CNTN5: variants seen among roughly 807,000 people sequenced by gnomAD.
The protein encoded by CNTN5 is contactin 5.
CNTN5 carries 77 observed loss-of-function variants against 129.1 expected under a neutral mutation model. The ratio of observed to expected loss-of-function variants is 0.60; its 90% CI spans 0.50 to 0.72. CNTN5 has a LOEUF of 0.72. Ranked by LOEUF, CNTN5 falls within the 30% of genes least tolerant of loss-of-function variation. The probability of loss-of-function intolerance (pLI) is 0.00; values close to 1 mark genes in which losing one functional copy is unlikely to be tolerated. For synonymous variants in CNTN5, 509 were observed against 465.6 expected, an observed-to-expected ratio of 1.09 and a Z score of -1.20; for missense variants, 1,478 against 1,328.8, an observed-to-expected ratio of 1.11 and a Z score of -1.75.
At chr11:99,628,459 A>G (rs1054562123) in intron 3 of CNTN5, among the ~76,000 whole-genome samples, 5 of 151,956 alleles carry the variant, frequency 3.3e-5, no homozygotes, top group African/African-American at 1.2e-4. Flanking sequence ...TATTTAATCA[A>G]CCTCCAATGC....
At chr11:99,622,765 C>T (rs1950993903) in intron 3 of CNTN5, among the ~76,000 whole-genome samples, 1 of 151,906 alleles carries the variant, frequency 6.6e-6, no homozygotes, top group African/African-American at 2.4e-5. Context: ...AAAGGTTATA[C>T]ACATGACTTT....
chr11:99,673,153 C>T (rs1591457914), intron 3 of CNTN5, among the ~76,000 whole-genome samples: 1 of 152,228 alleles, frequency 6.6e-6, no homozygotes, highest in African/African-American at 2.4e-5. Context: ...AACTCAATAC[C>T]ATGCTATGCT....
intron 2 of CNTN5, among the ~76,000 whole-genome samples, chr11:99,422,382 A>C (rs1448709112): frequency 6.6e-6 from 1 of 151,598 alleles, no homozygotes; most frequent in South Asian, 2.1e-4. Context: ...TAGTCTTTGC[A>C]TACACATTAT....
chr11:99,564,053 A>G (rs1449108060), intron 3 of CNTN5, among the ~76,000 whole-genome samples: 4 of 152,144 alleles, frequency 2.6e-5, no homozygotes. Flanking sequence ...ACTGTTTCAC[A>G]TGCAAATAGA....
chr11:99,848,883 C>G (rs1489648369), intron 6 of CNTN5, among the ~76,000 whole-genome samples: 1 of 152,128 alleles, frequency 6.6e-6, no homozygotes, highest in African/African-American at 2.4e-5. Flanking sequence ...TTGCCTCTTT[C>G]AAATTCGAGA....
chr11:99,897,045 C>T (rs1949224849), intron 6 of CNTN5, among the ~76,000 whole-genome samples: 1 of 152,048 alleles, frequency 6.6e-6, no homozygotes, highest in South Asian at 2.1e-4. Context: ...CTAGACTAGA[C>T]CAAGTGGAAG....
chr11:99,949,018 G>T (rs1257523951), intron 7 of CNTN5, among the ~76,000 whole-genome samples: 1 of 152,218 alleles, frequency 6.6e-6, no homozygotes, highest in Non-Finnish European at 1.5e-5. Flanking sequence ...CAGTGCTGCA[G>T]TGAAAGTTGT....
intron 3 of CNTN5, among the ~76,000 whole-genome samples, chr11:99,705,629 A>T (rs753995396): frequency 2.0e-5 from 3 of 151,466 alleles, no homozygotes; most frequent in Non-Finnish European, 3.0e-5. Flanking sequence ...CAGCTTACCA[A>T]AAAGAAATGC....
chr11:99,817,242 C>G (rs968333664), intron 3 of CNTN5, among the ~76,000 whole-genome samples: 5 of 152,180 alleles, frequency 3.3e-5, no homozygotes, highest in African/African-American at 1.2e-4. Context: ...ATGAATGAAT[C>G]AATTGCCACA....
intron 9 of CNTN5, among the ~76,000 whole-genome samples, chr11:100,024,650 A>T (rs1207718083): frequency 1.3e-5 from 2 of 152,100 alleles, no homozygotes; most frequent in Non-Finnish European, 2.9e-5. Context: ...GGAGATGAGG[A>T]ACTTGTTGGT....
intron 2 of CNTN5, among the ~76,000 whole-genome samples, chr11:99,434,182 T>C (rs1200408074): frequency 2.6e-5 from 4 of 152,134 alleles, no homozygotes; most frequent in African/African-American, 9.7e-5. Context: ...ATGTGATGTA[T>C]TATTTGGCAC....
chr11:99,973,260 G>A (rs1937698143), intron 8 of CNTN5, among the ~76,000 whole-genome samples: 1 of 152,082 alleles, frequency 6.6e-6, no homozygotes, highest in African/African-American at 2.4e-5. Context: ...GTGGCTCTCT[G>A]GGGATTTTCA....
chr11:99,970,982 T>C (rs954052247), intron 8 of CNTN5, among the ~76,000 whole-genome samples: 5 of 152,188 alleles, frequency 3.3e-5, no homozygotes, highest in Admixed American at 6.5e-5. Context: ...AGAATGCAAA[T>C]GATTTGCCAA....
chr11:99,556,729 G>A (rs1948686756), intron 3 of CNTN5, among the ~76,000 whole-genome samples: 1 of 150,132 alleles, frequency 6.7e-6, no homozygotes, highest in Admixed American at 6.7e-5. Context: ...ATATAAAACA[G>A]AATCAGGTTA....
At chr11:99,204,125 CTT>C (rs1160867864) in intron 1 of CNTN5, among the ~76,000 whole-genome samples, 10 of 152,312 alleles carry the variant, frequency 6.6e-5, no homozygotes, top group African/African-American at 2.4e-4. Flanking sequence ...AATTTATTGA[CTT>C]AACATTAAGG....
intron 7 of CNTN5, among the ~76,000 whole-genome samples, chr11:99,929,241 C>T (rs1424277146): frequency 6.6e-6 from 1 of 152,204 alleles, no homozygotes; most frequent in African/African-American, 2.4e-5. Flanking sequence ...AGGTTCCAAA[C>T]TTTCCCCCAT....
At chr11:99,783,550 G>A (rs1181982631) in intron 3 of CNTN5, among the ~76,000 whole-genome samples, 1 of 91,048 alleles carries the variant, frequency 1.1e-5, no homozygotes, top group Admixed American at 1.2e-4. Context: ...ATTCACAATA[G>A]CAAAGACTTG....
intron 18 of CNTN5, among the ~76,000 whole-genome samples, chr11:100,296,518 G>A (rs1271089903): frequency 1.3e-5 from 2 of 151,488 alleles, no homozygotes; most frequent in East Asian, 1.9e-4. Flanking sequence ...ATCCTATATT[G>A]GTAGCAGCTG....
At chr11:99,868,487 C>T (rs1156447764) in intron 6 of CNTN5, among the ~76,000 whole-genome samples, 9 of 152,126 alleles carry the variant, frequency 5.9e-5, no homozygotes, top group Non-Finnish European at 1.3e-4. Flanking sequence ...TCCTGGGTAA[C>T]AAGTAGGAAA....
Sources: allele counts gnomAD v4.1 joint callset (sites outside exome capture counted in the v4.1 genomes callset), GRCh38; gene constraint gnomAD v4.1.1; transcripts MANE v1.5; gene names NCBI Gene and HGNC (gene_info 2026-07-23, HGNC 2026-07-21).